Variants in MAGEE1 observed in about 807,000 individuals in gnomAD.
MAGEE1 encodes the protein MAGE family member E1, also known as melanoma-associated antigen E1.
A neutral mutation model predicts 12.0 loss-of-function variants in MAGEE1; 3 were observed. The observed-to-expected ratio is 0.25, with a 90% CI of 0.11 to 0.65. The LOEUF (loss-of-function observed/expected upper bound fraction) is 0.65. MAGEE1 is among the 30% of genes least tolerant of loss of function. The probability of loss-of-function intolerance (pLI) is 0.84; values close to 1 mark genes in which losing one functional copy is unlikely to be tolerated. For synonymous variants in MAGEE1, 414 were observed against 326.1 expected (o/e 1.27, Z -2.91); for missense variants, 729 against 772.2 (o/e 0.94, Z 0.66).
chrX:76,430,713 A>G lies in MAGEE1; in HGVS notation c.2783A>G (p.Asp928Gly). Residue 928 changes from aspartate (D) to glycine (G), a missense_variant, in exon 1 of 1, where the codon GAC becomes GGC. By Grantham distance (94) the Asp-to-Gly change is moderately conservative (BLOSUM62 -1). Around this residue, in one of 4 missense-constraint regions of MAGEE1, gnomAD observed 101 missense variants for 161.3 expected, o/e 0.63. Transcript: ENST00000361470. ...AGAATCCACAGAAAGGAACCACAGG[A>G]CTGGCCACAGCAGTACAGGGAGGCA... ...VARIHRKEPQ[D>G]WPQQYREAME... 1 of 1,211,491 alleles carries G rather than the reference A, an allele frequency of 8.3e-7. No homozygotes were observed. The highest frequency in any genetic ancestry group is 1.1e-6 in the Non-Finnish European group (1 of 895,435).
chrX:76,428,345 T>A lies in MAGEE1; in HGVS notation c.415T>A (p.Ser139Thr). The A allele has an allele frequency of 5.8e-6, 7 of 1,211,087 alleles. No individual in the cohort carries two copies. The highest frequency in any genetic ancestry group is 7.8e-6 in the Non-Finnish European group (7 of 895,373). ...TGCCGCCTCTGAGGGCCGGAACACC[T>A]CCAGGCCGCCCACTTCCTCTGAGGA... ...TLAASEGRNT[S>T]RPPTSSEEPS... The change falls in exon 1 of 1, where the codon TCC (serine) becomes ACC (threonine). Residue 139 changes from serine to threonine, a missense_variant. Around this residue, in one of 4 missense-constraint regions of MAGEE1, gnomAD observed 473 missense variants for 423.7 expected, o/e 1.12. Coordinates refer to ENST00000361470, the MANE Select transcript of MAGEE1 (RefSeq NM_020932.3).
At position 76,430,839 on chromosome X, in the gene MAGEE1, A is replaced by T; in HGVS notation, c.*35A>T. 2.4e-6 allele frequency: 1 copy of T among 415,189 alleles called. No individual in the cohort carries two copies. 34.2% of individuals were successfully genotyped at this position (415,189 alleles called of 1,213,427 possible). On this transcript the variant is annotated 3_prime_UTR_variant, in exon 1 of 1. Coordinates refer to ENST00000361470, the MANE Select transcript of MAGEE1 (RefSeq NM_020932.3). Reference sequence around the variant, plus strand: ...TGGCAGTCAGAGGGGCCTTGCAAGGAGGGGCCTTTGAGCCTCAGTTCTCAT... The same window carrying T: ...TGGCAGTCAGAGGGGCCTTGCAAGGTGGGGCCTTTGAGCCTCAGTTCTCAT...
At position 76,428,081 on chromosome X, in the gene MAGEE1, G is replaced by T. The variant is rs1240385950; in HGVS notation, c.151G>T (p.Asp51Tyr). 1.7e-6 allele frequency: 2 copies of T among 1,180,875 alleles called. No individual in the cohort carries two copies. The highest frequency in any genetic ancestry group is 2.3e-6 in the Non-Finnish European group (2 of 879,981). The change falls in exon 1 of 1, where the codon GAT (aspartate) becomes TAT (tyrosine). Residue 51 changes from aspartate (D) to tyrosine (Y), a missense_variant. Physicochemically the swap from Asp to Tyr is radical, Grantham distance 160 (BLOSUM62 -3). This residue lies in a region of MAGEE1 where 473 missense variants were observed against 423.7 expected (regional missense o/e 1.12). Transcript: ENST00000361470. ...PGSDVPQGPS[D>Y]SQILQGLCAS... ...CTCAGACGTCCCCCAGGGTCCCAGC[G>T]ATTCCCAGATCCTCCAGGGCCTCTG...
chrX:76,430,915 G>T lies in MAGEE1; in HGVS notation c.*111G>T. ...TATTGTATTTGGTATTTGTGTTCCA[G>T]TTATATTTATGTCTTTTCATATTTA... On this transcript the variant is annotated 3_prime_UTR_variant, in exon 1 of 1. Coordinates refer to ENST00000361470, the MANE Select transcript of MAGEE1 (RefSeq NM_020932.3). The T allele has an allele frequency of 1.8e-6, 1 of 544,276 alleles. No homozygotes were observed. Among genetic ancestry groups the T allele is most frequent in the South Asian group, 3.9e-5 (1 of 25,766 alleles). The allele number at this position is 544,276 out of a possible 1,213,427, so 44.9% of individuals were successfully genotyped here. A position where few individuals can be genotyped will look rare whatever the true frequency, so the allele number is the denominator to read the frequency against.
chrX:76,429,583 T>C lies in MAGEE1; in HGVS notation c.1653T>C (p.Leu551=), dbSNP rs1556839720. The change falls in exon 1 of 1, where the codon CTT becomes CTC. Residue 551 remains leucine (L), a synonymous_variant. Transcript: ENST00000361470. The part of the protein sequence containing the change: ...ECIFRFELRE[L]DPEAHTYILL... ...TTTTTAGGTTTGAATTGAGAGAACT[T>C]GACCCTGAGGCACACACCTACATTC... The C allele has an allele frequency of 8.3e-7, 1 of 1,211,336 alleles. No homozygotes were observed.
chrX:76,429,165 C>T lies in MAGEE1; in HGVS notation c.1235C>T (p.Pro412Leu). Residue 412 changes from proline to leucine, a missense_variant, in exon 1 of 1, where the codon CCG (proline) becomes CTG (leucine). Around this residue, in one of 4 missense-constraint regions of MAGEE1, gnomAD observed 473 missense variants for 423.7 expected, o/e 1.12. Coordinates refer to ENST00000361470, the MANE Select transcript of MAGEE1 (RefSeq NM_020932.3). ...GTGCTGCCTAACCCTGGTGAGGGCC[C>T]GAGCACATTGTTTAGCTCTAGTGCT... ...SSVLPNPGEG[P>L]STLFSSSASV... The T allele has an allele frequency of 3.3e-6, 4 of 1,211,912 alleles. No individual in the cohort carries two copies. Among genetic ancestry groups the T allele is most frequent in the Non-Finnish European group, 3.4e-6 (3 of 895,460 alleles).
Position 76,428,959 on chromosome X carries a change from C to T in MAGEE1, c.1029C>T (p.Ser343=), listed in dbSNP as rs782649561. 8.3e-7 allele frequency: 1 copy of T among 1,210,690 alleles called. No homozygotes were observed. Among genetic ancestry groups the T allele is most frequent in the African/African-American group, 1.7e-5 (1 of 57,461 alleles). ...PPTATEELST[S]VPPTPGEGPS... is the part of the protein sequence containing the mutation. ...CCGCCACTGAGGAGTTGAGCACCTC[C>T]GTGCCGCCCACTCCCGGTGAGGGAC... The change falls in exon 1 of 1, where the codon TCC becomes TCT. Residue 343 remains serine, a synonymous_variant. Coordinates refer to ENST00000361470, the MANE Select transcript of MAGEE1 (RefSeq NM_020932.3).
Sources: allele counts gnomAD v4.1 joint callset, GRCh38; gene constraint gnomAD v4.1.1; regional missense constraint gnomAD v4.1.1; transcripts MANE v1.5; gene names NCBI Gene and HGNC (gene_info 2026-07-23, HGNC 2026-07-21).